Variants in N4BP2L2 observed in about 807,000 individuals in gnomAD.
N4BP2L2 encodes the protein NEDD4-binding protein 2-like 2.
A neutral mutation model predicts 56.2 loss-of-function variants in N4BP2L2; 50 were observed. The observed-to-expected ratio is 0.89, with a 90% CI of 0.71 to 1.13. N4BP2L2 has a LOEUF of 1.13. Ranked by LOEUF, N4BP2L2 falls within the 50% of genes most tolerant of loss-of-function variation. N4BP2L2 has a pLI of 0.00. For synonymous variants in N4BP2L2, 203 were observed against 223.6 expected (o/e 0.91, Z 0.82); for missense variants, 689 against 693.8 (o/e 0.99, Z 0.08).
chr13:32,528,754 T>C (rs1334401893), intron 2 of N4BP2L2, among the ~76,000 whole-genome samples: 1 of 152,086 alleles, frequency 6.6e-6, no homozygotes, highest in Non-Finnish European at 1.5e-5. Context: ...AAAAGAATAT[T>C]GGCCTGGAAT....
chr13:32,532,731 C>G (rs1480202519), intron 2 of N4BP2L2, among the ~76,000 whole-genome samples: 3 of 151,776 alleles, frequency 2.0e-5, no homozygotes, highest in East Asian at 1.9e-4. Flanking sequence ...GCTGGGACTA[C>G]AGGCACATGC....
At chr13:32,496,544 A>C (rs1389317303) in intron 6 of N4BP2L2, among the ~76,000 whole-genome samples, 1 of 152,166 alleles carries the variant, frequency 6.6e-6, no homozygotes, top group Non-Finnish European at 1.5e-5. Context: ...TTTTCCTCCC[A>C]CTGCGATGTT....
At chr13:32,498,107 T>C (rs1176446059) in intron 6 of N4BP2L2, among the ~76,000 whole-genome samples, 2 of 151,894 alleles carry the variant, frequency 1.3e-5, no homozygotes, top group African/African-American at 4.8e-5. Flanking sequence ...CATCTCAGCC[T>C]CCTGAGTAGC....
At chr13:32,467,259 G>A (rs541858352) in intron 6 of N4BP2L2, among the ~76,000 whole-genome samples, 1 of 148,570 alleles carries the variant, frequency 6.7e-6, no homozygotes, top group South Asian at 2.1e-4. Flanking sequence ...TGAGAGAGGG[G>A]CATTTTTTTT....
intron 6 of N4BP2L2, among the ~76,000 whole-genome samples, chr13:32,448,837 G>C (rs1260793654): frequency 6.6e-6 from 1 of 152,154 alleles, no homozygotes; most frequent in Admixed American, 6.5e-5. Context: ...GATGATAAAA[G>C]GTCTCATGGC....
chr13:32,522,407 T>C, intron 3 of N4BP2L2, 137 bp from the exon 4 acceptor site: 1 of 483,574 alleles, frequency 2.1e-6, no homozygotes, highest in Non-Finnish European at 3.5e-6. Context: ...GTCAGTATCA[T>C]GAAAAAAAGA....
chr13:32,506,604 A>G (rs1350920034), downstream of N4BP2L2: 1 of 152,204 alleles, frequency 6.6e-6, no homozygotes, highest in Non-Finnish European at 1.5e-5. Flanking sequence ...GAGAGCACAT[A>G]AGATGTATTT....
At chr13:32,450,064 G>A (rs1286573752) in intron 6 of N4BP2L2, among the ~76,000 whole-genome samples, 1 of 151,986 alleles carries the variant, frequency 6.6e-6, no homozygotes, top group Non-Finnish European at 1.5e-5. Flanking sequence ...GCACTAATAT[G>A]GAACACCACA....
intron 6 of N4BP2L2, among the ~76,000 whole-genome samples, chr13:32,452,547 A>G (rs906821504): frequency 1.3e-5 from 2 of 152,236 alleles, no homozygotes; most frequent in African/African-American, 4.8e-5. Context: ...TCAAGATTGC[A>G]AGACTCAATT....
intron 6 of N4BP2L2, among the ~76,000 whole-genome samples, chr13:32,489,447 T>C (rs1233243845): frequency 2.0e-5 from 3 of 152,296 alleles, no homozygotes; most frequent in Middle Eastern, 3.4e-3. Flanking sequence ...TGTTAAAAAA[T>C]GTATGGAGAT....
chr13:32,470,189 C>G (rs1378971652), intron 6 of N4BP2L2, among the ~76,000 whole-genome samples: 2 of 152,174 alleles, frequency 1.3e-5, no homozygotes, highest in Non-Finnish European at 2.9e-5. Context: ...CTGTCACAGA[C>G]TTGATGGACC....
At chr13:32,494,895 T>C (rs2088172083) in intron 6 of N4BP2L2, among the ~76,000 whole-genome samples, 1 of 150,772 alleles carries the variant, frequency 6.6e-6, no homozygotes, top group African/African-American at 2.4e-5. Context: ...CTCAACAAAG[T>C]CCCTTTGCTC....
chr13:32,437,072 AG>A (rs1396496470), intron 8 of N4BP2L2, among the ~76,000 whole-genome samples: 2 of 151,878 alleles, frequency 1.3e-5, no homozygotes, highest in African/African-American at 4.8e-5. Flanking sequence ...TAGTAGAGAC[AG>A]GGTTTCACTA....
chr13:32,474,646 G>A (rs1195923213), intron 6 of N4BP2L2, among the ~76,000 whole-genome samples: 1 of 152,102 alleles, frequency 6.6e-6, no homozygotes, highest in Non-Finnish European at 1.5e-5. Flanking sequence ...AGTGAGCCAA[G>A]ATCGTGCCAC....
At chr13:32,483,709 T>C (rs2085245916) in intron 6 of N4BP2L2, among the ~76,000 whole-genome samples, 1 of 152,200 alleles carries the variant, frequency 6.6e-6, no homozygotes, top group South Asian at 2.1e-4. Flanking sequence ...ATGCTACAGT[T>C]TTTTGTTTTG....
intron 6 of N4BP2L2, chr13:32,490,251 A>G (rs997428872): frequency 2.6e-5 from 4 of 152,176 alleles, no homozygotes; most frequent in African/African-American, 9.7e-5. Context: ...GTGCCGTTGA[A>G]TGAATAATTT....
At chr13:32,532,316 A>G (rs1218536793) in intron 2 of N4BP2L2, among the ~76,000 whole-genome samples, 2 of 152,008 alleles carry the variant, frequency 1.3e-5, no homozygotes, top group Non-Finnish European at 2.9e-5. Flanking sequence ...GAAAGATCCC[A>G]CTGTTTTACT....
Position 32,440,663 on chromosome 13 carries a change from A to G in N4BP2L2, c.2104+1725T>C, listed in dbSNP as rs2076177835. Among the ~76,000 whole-genome samples, 5 of 152,050 alleles carry G rather than the reference A, an allele frequency of 3.3e-5. 1 individual carries two copies. In the South Asian group the frequency reaches 1.0e-3, roughly 32 times the overall value. On this transcript the variant is annotated intron_variant, in intron 7 of 9. Coordinates refer to the N4BP2L2 transcript ENST00000357505. ...TTTTTAGTAGAGACAGGGTTTCACC[A>G]TGTTGGCCAGGCTGGTCTCGAACTC...
downstream of N4BP2L2, chr13:32,507,756 C>A (rs1422514980): frequency 6.6e-6 from 1 of 152,054 alleles, no homozygotes; most frequent in East Asian, 1.9e-4. Context: ...GAGAAGCAGC[C>A]AAGGACTAGA....
Sources: allele counts gnomAD v4.1 joint callset (sites outside exome capture counted in the v4.1 genomes callset), GRCh38; gene constraint gnomAD v4.1.1; transcripts MANE v1.5; gene names NCBI Gene and HGNC (gene_info 2026-07-23, HGNC 2026-07-21).